The following TRPV3 variants were observed in gnomAD, a reference collection of about 807,000 sequenced individuals.
The protein encoded by TRPV3 is transient receptor potential cation channel subfamily V member 3, also known as VRL-3.
In TRPV3, 88 loss-of-function variants were observed where a neutral mutation model predicts 87.1. That is an observed-to-expected ratio of 1.01 (90% confidence interval 0.85 to 1.21). TRPV3 has a LOEUF of 1.21. Among genes scored for constraint, TRPV3 ranks in the 50% most tolerant of loss-of-function variants. The pLI, the probability that TRPV3 is intolerant of heterozygous loss-of-function variation, is 0.00. For synonymous variants in TRPV3, 438 were observed against 423.3 expected (o/e 1.03, Z -0.43); for missense variants, 1,054 against 1,030.1 (o/e 1.02, Z -0.32).
chr17:3,550,262 G>A (rs1318078041), intron 2 of TRPV3, among the ~76,000 whole-genome samples: 1 of 152,060 alleles, frequency 6.6e-6, no homozygotes, highest in Non-Finnish European at 1.5e-5. Context: ...AGAAGATGAG[G>A]AGCAGCCCTT....
rs529022473 is a variant in TRPV3, at chr17:3,528,698, G to A, written c.1401+139C>T. ...ACTGAAGACATATTCAGTTCCCTGG[G>A]AAGCGTGAAGGACAACTGGGGGACC... On this transcript the variant is annotated intron_variant, in intron 10 of 17. Transcript: ENST00000576742. The surrounding 1 kb of genome is among the most constrained non-coding windows in gnomAD (Gnocchi z 4.2). 45 of 983,366 alleles carry A rather than the reference G, an allele frequency of 4.6e-5. No homozygotes were observed. The highest frequency in any genetic ancestry group is 2.7e-5 in the Non-Finnish European group (18 of 676,656). The allele number at this position is 983,366 out of a possible 1,614,324, so 60.9% of individuals were successfully genotyped here.
chr17:3,520,998 G>A lies in TRPV3; in HGVS notation c.1785C>T (p.Ile595=), dbSNP rs752936225. Residue 595 remains isoleucine (I), a synonymous_variant, in exon 14 of 18, where the codon ATC becomes ATT. Transcript: ENST00000576742. ...CTACTCCAAATCCAAGCAAAAACAC[G>A]ATATATACAAACAAGAACTTCAGAA... ...HDVLKFLFVY[I]VFLLGFGVAL... The A allele has an allele frequency of 5.0e-6, 8 of 1,606,468 alleles. No individual in the cohort carries two copies. The highest frequency in any genetic ancestry group is 1.7e-5 in the Admixed American group (1 of 59,620).
At chr17:3,523,977 C>T (rs1470251074) in intron 13 of TRPV3, among the ~76,000 whole-genome samples, 1 of 152,042 alleles carries the variant, frequency 6.6e-6, no homozygotes, top group Non-Finnish European at 1.5e-5. Flanking sequence ...TGAGAACATT[C>T]CTCCACAAAC....
chr17:3,537,723 G>A (rs1224722693), intron 6 of TRPV3, among the ~76,000 whole-genome samples: 3 of 151,810 alleles, frequency 2.0e-5, no homozygotes, highest in African/African-American at 7.3e-5. Context: ...GGCCCACATG[G>A]AGAAACCCCA....
At chr17:3,529,115 G>C (rs1160152388) in intron 9 of TRPV3, 120 bp from the exon 10 acceptor site, 1 of 1,147,636 alleles carries the variant, frequency 8.7e-7, no homozygotes, top group East Asian at 2.3e-5. Context: ...TATGCCCGAT[G>C]GACTGGTCTG....
At chr17:3,536,452 G>A (rs531796933) in intron 6 of TRPV3, among the ~76,000 whole-genome samples, 2 of 152,312 alleles carry the variant, frequency 1.3e-5, no homozygotes, top group African/African-American at 4.8e-5. Flanking sequence ...GCCGGCCGTG[G>A]GGGCGCATGC....
At chr17:3,541,553 A>G (rs973211630) in intron 6 of TRPV3, among the ~76,000 whole-genome samples, 1 of 152,164 alleles carries the variant, frequency 6.6e-6, no homozygotes, top group Non-Finnish European at 1.5e-5. Flanking sequence ...ATTTCCTGGG[A>G]GGGAGCCACT....
Position 3,513,747 on chromosome 17 carries a change from C to A in TRPV3, c.*170G>T. The stretch of plus-strand genomic sequence containing the variant: ...GATGTTTCCCACTCAGACAAATTGA[C>A]AACTGCCCCTCAGTTCAGACACCCA... On this transcript the variant is annotated 3_prime_UTR_variant, in exon 18 of 18. Coordinates refer to ENST00000576742, the MANE Select transcript of TRPV3 (RefSeq NM_145068.4). 1 of 533,730 alleles carries A rather than the reference C, an allele frequency of 1.9e-6. No individual in the cohort carries two copies. The allele number at this position is 533,730 out of a possible 1,614,324, so 33.1% of individuals were successfully genotyped here.
chr17:3,552,658 G>GA (rs2074589137), intron 2 of TRPV3: 1 of 152,298 alleles, frequency 6.6e-6, no homozygotes, highest in Non-Finnish European at 1.5e-5. Context: ...GGGCGGAGGA[G>GA]GCTTTGCAGA....
chr17:3,525,208 T>C (rs147554246), intron 12 of TRPV3, among the ~76,000 whole-genome samples: 2,771 of 152,200 alleles, frequency 0.018, 51 homozygotes, highest in Middle Eastern at 0.055. Context: ...TTAGTAGAGA[T>C]GGGGTTTCAC....
chr17:3,534,534 T>C (rs2074382021), intron 7 of TRPV3, among the ~76,000 whole-genome samples: 1 of 152,238 alleles, frequency 6.6e-6, no homozygotes, highest in African/African-American at 2.4e-5. Flanking sequence ...GAGCCATTTG[T>C]TCCCTGTTCT....
intron 5 of TRPV3, 145 bp downstream of exon 5, chr17:3,543,329 C>G (rs2074487206): frequency 1.9e-6 from 2 of 1,072,372 alleles, no homozygotes; most frequent in African/African-American, 3.1e-5. Flanking sequence ...CCCCATTCTC[C>G]TCGGAGTCAA....
intron 2 of TRPV3, among the ~76,000 whole-genome samples, chr17:3,550,520 C>CTTTTTTTTT (rs35400667): frequency 3.3e-5 from 3 of 92,182 alleles, no homozygotes; most frequent in South Asian, 4.2e-4. Context: ...CCTGCCTGCT[C>CTTTTTTTTT]TTTTTTTTTT....
Position 3,545,157 on chromosome 17 carries a change from C to T in TRPV3, c.224+10G>A, listed in dbSNP as rs1272360078. On this transcript the variant is annotated intron_variant, in intron 3 of 17. Coordinates refer to ENST00000576742, the MANE Select transcript of TRPV3 (RefSeq NM_145068.4). ...CCAGGGCAAGGGGTTGGGCTGGGGC[C>T]CGTACTCACCACTGCCGGATGTTGG... The T allele has an allele frequency of 1.9e-6, 3 of 1,608,778 alleles. No homozygotes were observed. The highest frequency in any genetic ancestry group is 2.6e-6 in the Non-Finnish European group (3 of 1,175,608).
chr17:3,524,317 A>G lies in TRPV3; in HGVS notation c.1624T>C (p.Phe542Leu). Residue 542 changes from phenylalanine (F) to leucine (L), a missense_variant, in exon 13 of 18, where the codon TTT becomes CTT. Coordinates refer to ENST00000576742, the MANE Select transcript of TRPV3 (RefSeq NM_145068.4). Reference sequence around the variant, plus strand: ...CAGGCGAGGTACTCTTTGTAGGCAAACAAGTACAAGAAGACAGACAGTATC... The same window carrying G: ...CAGGCGAGGTACTCTTTGTAGGCAAGCAAGTACAAGAAGACAGACAGTATC... ...LVILSVFLYLFAYKEYLACLV... is the reference protein window; with the variant it reads ...LVILSVFLYLLAYKEYLACLV... 1.9e-6 allele frequency: 3 copies of G among 1,614,262 alleles called. No homozygotes were observed. Among genetic ancestry groups the G allele is most frequent in the Non-Finnish European group, 2.5e-6 (3 of 1,180,050 alleles).
intron 13 of TRPV3, among the ~76,000 whole-genome samples, chr17:3,522,096 AATTT>A (rs1461295821): frequency 5.3e-5 from 8 of 152,168 alleles, no homozygotes; most frequent in Non-Finnish European, 1.0e-4. Context: ...TTAATTAATT[AATTT>A]AATTAAATAA....
chr17:3,519,452 A>ATG (rs1567630457), intron 14 of TRPV3, among the ~76,000 whole-genome samples: 15 of 45,058 alleles, frequency 3.3e-4, no homozygotes, highest in East Asian at 1.3e-3. Flanking sequence ...ATGGATGGAT[A>ATG]GATGATTAGA....
chr17:3,521,448 A>T (rs2074245196), intron 13 of TRPV3, among the ~76,000 whole-genome samples: 2 of 152,224 alleles, frequency 1.3e-5, no homozygotes, highest in African/African-American at 2.4e-5. Context: ...AATGAATAAG[A>T]TGAATAAGTT....
chr17:3,532,650 G>A lies in TRPV3; in HGVS notation c.1065+7C>T. On this transcript the variant is annotated splice_region_variant and intron_variant, in intron 8 of 17. Coordinates refer to ENST00000576742, the MANE Select transcript of TRPV3 (RefSeq NM_145068.4). ...ACCTCCTGCCTCCCCACGCCCCATG[G>A]CCCCACCTCCGCCTTGCCCATCTTG... 6.2e-7 allele frequency: 1 copy of A among 1,613,486 alleles called. No individual in the cohort carries two copies. Among genetic ancestry groups the A allele is most frequent in the Non-Finnish European group, 8.5e-7 (1 of 1,179,800 alleles).
Sources: allele counts gnomAD v4.1 joint callset (sites outside exome capture counted in the v4.1 genomes callset), GRCh38; gene constraint gnomAD v4.1.1; non-coding constraint Gnocchi (gnomAD v3.1); transcripts MANE v1.5; gene names NCBI Gene and HGNC (gene_info 2026-07-23, HGNC 2026-07-21).